NR6A1: variants seen among roughly 807,000 people sequenced by gnomAD.
NR6A1 encodes the protein nuclear receptor subfamily 6 group A member 1.
A neutral mutation model predicts 59.1 loss-of-function variants in NR6A1; 7 were observed. That is an observed-to-expected ratio of 0.12 (90% confidence interval 0.07 to 0.22). The LOEUF (loss-of-function observed/expected upper bound fraction) is 0.22. Among genes scored for constraint, NR6A1 ranks in the 10% least tolerant of loss-of-function variants. The pLI, the probability that NR6A1 is intolerant of heterozygous loss-of-function variation, is 1.00. For missense variants in NR6A1, 468 were observed against 611.6 expected, an observed-to-expected ratio of 0.77 and a Z score of 2.48; for synonymous variants, 243 against 236.1, an observed-to-expected ratio of 1.03 and a Z score of -0.27.
chr9:124,535,738 C>T, intron 7 of NR6A1, 140 bp downstream of exon 7: 1 of 1,081,338 alleles, frequency 9.2e-7, no homozygotes, highest in Non-Finnish European at 1.4e-6. Context: ...GGTCACAAAT[C>T]TAGTCAGTGG....
Position 124,748,288 on chromosome 9 carries a change from T to C in NR6A1, c.101-14939A>G, listed in dbSNP as rs572726255. Among the ~76,000 whole-genome samples the C allele has an allele frequency of 3.9e-5, 6 of 152,288 alleles. No individual in the cohort carries two copies. In the South Asian group the frequency reaches 6.2e-4, roughly 16 times the overall value. ...CATCATTTTTCAGCTCTAAAGTCCA[T>C]GAGTTTATCAAAAGTTGCAGTTGTG... On this transcript the variant is annotated intron_variant, in intron 1 of 9. Transcript: ENST00000487099.
chr9:124,734,827 C>T (rs1390730130), intron 1 of NR6A1, among the ~76,000 whole-genome samples: 3 of 152,112 alleles, frequency 2.0e-5, no homozygotes, highest in African/African-American at 7.2e-5. Context: ...TGCAGCAGGC[C>T]AACTGCTTAA....
chr9:124,633,512 A>T (rs1836508878), intron 2 of NR6A1, among the ~76,000 whole-genome samples: 1 of 152,176 alleles, frequency 6.6e-6, no homozygotes, highest in Admixed American at 6.5e-5. Context: ...GCTAAAACAT[A>T]GACTCAATGT....
At chr9:124,714,186 T>C (rs1482788467) in intron 2 of NR6A1, among the ~76,000 whole-genome samples, 2 of 151,746 alleles carry the variant, frequency 1.3e-5, no homozygotes, top group South Asian at 2.1e-4. Flanking sequence ...GTACCTAGAG[T>C]AGACAAATTC....
chr9:124,582,025 A>G (rs1426837749), intron 2 of NR6A1, among the ~76,000 whole-genome samples: 2 of 152,232 alleles, frequency 1.3e-5, no homozygotes, highest in African/African-American at 4.8e-5. Context: ...TGATTTCTCA[A>G]AGACCAAGAA....
intron 2 of NR6A1, among the ~76,000 whole-genome samples, chr9:124,631,939 C>G (rs964295359): frequency 1.2e-4 from 18 of 152,280 alleles, no homozygotes; most frequent in Middle Eastern, 6.8e-3. Flanking sequence ...TGTTCCTGCA[C>G]TAGTTTACTA....
chr9:124,664,253 T>C lies in NR6A1; in HGVS notation c.142+69055A>G, dbSNP rs548313123. On this transcript the variant is annotated intron_variant, in intron 2 of 9. Coordinates refer to ENST00000487099, the MANE Select transcript of NR6A1 (RefSeq NM_033334.4). ...ATACCACATAACCTTTTGGAGGACATAAGGCAGTAGATTCTCTAAAGCAAA... is the reference window on the plus strand; with the variant it reads ...ATACCACATAACCTTTTGGAGGACACAAGGCAGTAGATTCTCTAAAGCAAA... Among the ~76,000 whole-genome samples, 47 of 152,322 alleles carry C rather than the reference T, an allele frequency of 3.1e-4. No homozygotes were observed. The South Asian group carries it at 3.1e-3, about 10-fold the overall frequency.
At chr9:124,569,225 C>A (rs2131424983) in intron 2 of NR6A1, among the ~76,000 whole-genome samples, 1 of 152,318 alleles carries the variant, frequency 6.6e-6, no homozygotes, top group East Asian at 1.9e-4. Flanking sequence ...TACGTGCAAT[C>A]TATCTTGTAA....
chr9:124,765,493 C>T (rs1429830571), intron 1 of NR6A1, among the ~76,000 whole-genome samples: 1 of 152,024 alleles, frequency 6.6e-6, no homozygotes, highest in Admixed American at 6.6e-5. Context: ...TTTTTAAGAA[C>T]AAAAATTCCA....
At chr9:124,684,455 T>C (rs576957446) in intron 2 of NR6A1, among the ~76,000 whole-genome samples, 35 of 152,300 alleles carry the variant, frequency 2.3e-4, no homozygotes, top group Non-Finnish European at 4.0e-4. Context: ...AGGAAAGGCT[T>C]CTGTAATGCC....
chr9:124,708,096 C>A (rs1267139220), intron 2 of NR6A1, among the ~76,000 whole-genome samples: 2 of 152,176 alleles, frequency 1.3e-5, no homozygotes, highest in Non-Finnish European at 2.9e-5. Flanking sequence ...ACCTACCAGA[C>A]CTCCTTGTTA....
chr9:124,554,213 A>G (rs1471404357), intron 3 of NR6A1, 115 bp downstream of exon 3: 1 of 1,507,244 alleles, frequency 6.6e-7, no homozygotes, highest in African/African-American at 1.4e-5. Flanking sequence ...TTATGAGTAC[A>G]AACTATAAGG....
chr9:124,667,347 T>C (rs1486423921), intron 2 of NR6A1, among the ~76,000 whole-genome samples: 3 of 152,130 alleles, frequency 2.0e-5, no homozygotes, highest in African/African-American at 7.2e-5. Context: ...TCCACCCTAC[T>C]TTCATATTCA....
chr9:124,656,908 C>G (rs1320186192), intron 2 of NR6A1, among the ~76,000 whole-genome samples: 2 of 152,042 alleles, frequency 1.3e-5, no homozygotes, highest in Non-Finnish European at 2.9e-5. Flanking sequence ...GGAAGAATGG[C>G]AAGTTAGTGT....
intron 2 of NR6A1, among the ~76,000 whole-genome samples, chr9:124,565,450 A>G (rs1834212199): frequency 6.9e-6 from 1 of 144,862 alleles, no homozygotes; most frequent in African/African-American, 2.9e-5. Flanking sequence ...CAAACAAACA[A>G]AAACAATTAA....
chr9:124,524,065 C>T (rs548315104), intron 9 of NR6A1, among the ~76,000 whole-genome samples: 6 of 152,188 alleles, frequency 3.9e-5, no homozygotes, highest in Non-Finnish European at 8.8e-5. Context: ...CATACACACA[C>T]ACCCCAATAC....
At chr9:124,561,343 T>C (rs1295152367) in intron 2 of NR6A1, among the ~76,000 whole-genome samples, 1 of 151,780 alleles carries the variant, frequency 6.6e-6, no homozygotes, top group East Asian at 1.9e-4. Context: ...GAGGCTGAGG[T>C]AGGAGTATCA....
At chr9:124,717,040 A>C (rs917644285) in intron 2 of NR6A1, among the ~76,000 whole-genome samples, 4 of 152,240 alleles carry the variant, frequency 2.6e-5, no homozygotes, top group African/African-American at 9.6e-5. Context: ...AAGAAATGCA[A>C]GTTTAAACCA....
At chr9:124,574,356 T>C (rs1050157687) in intron 2 of NR6A1, among the ~76,000 whole-genome samples, 2 of 152,182 alleles carry the variant, frequency 1.3e-5, no homozygotes, top group African/African-American at 2.4e-5. Context: ...GAAAGAATAT[T>C]AGATGAGGAG....
Sources: gnomAD v4.1 joint callset for allele counts (sites outside exome capture counted in the v4.1 genomes callset) on GRCh38, gnomAD v4.1.1 for gene constraint, MANE v1.5 for transcripts, NCBI Gene and HGNC (gene_info 2026-07-23, HGNC 2026-07-21) for gene names.